Variants in CFAP61 observed in about 807,000 individuals in gnomAD.
CFAP61 encodes the protein cilia- and flagella-associated protein 61.
Under a neutral mutation model 135.6 loss-of-function variants are expected in CFAP61, and 107 were observed. The observed-to-expected ratio is 0.79, with a 90% CI of 0.67 to 0.93. The LOEUF is 0.93. CFAP61 is among the 40% of genes least tolerant of loss of function. The pLI is 0.00. For synonymous variants in CFAP61, 575 were observed against 578.5 expected (o/e 0.99, Z 0.09); for missense variants, 1,507 against 1,556.2 (o/e 0.97, Z 0.53).
chr20:20,329,838 C>T (rs533751524), intron 25 of CFAP61, among the ~76,000 whole-genome samples: 1 of 152,372 alleles, frequency 6.6e-6, no homozygotes, highest in South Asian at 2.1e-4. Context: ...TCAGTAGATC[C>T]TCCCCGTGCC....
intron 22 of CFAP61, among the ~76,000 whole-genome samples, chr20:20,283,345 A>G (rs2054338053): frequency 6.6e-6 from 1 of 152,178 alleles, no homozygotes; most frequent in East Asian, 1.9e-4. Flanking sequence ...TAAGGTCCAG[A>G]TTATCTGATA....
intron 18 of CFAP61, among the ~76,000 whole-genome samples, chr20:20,233,122 T>C (rs1343895493): frequency 6.6e-6 from 1 of 152,200 alleles, no homozygotes; most frequent in East Asian, 1.9e-4. Flanking sequence ...ACTCCTGTTA[T>C]CGGGCCGTGC....
chr20:20,117,800 T>C (rs1400344358), intron 8 of CFAP61, among the ~76,000 whole-genome samples: 1 of 152,186 alleles, frequency 6.6e-6, no homozygotes, highest in Non-Finnish European at 1.5e-5. Context: ...ATATAGGTCT[T>C]TCATTTCTTT....
chr20:20,262,816 TTTC>T, intron 20 of CFAP61, 137 bp from the exon 21 acceptor site: 2 of 424,716 alleles, frequency 4.7e-6, no homozygotes, highest in Middle Eastern at 6.2e-4. Flanking sequence ...TTTTTTTTTT[TTTC>T]AATTAAAATC....
At chr20:20,084,898 T>G (rs1427842277) in intron 6 of CFAP61, among the ~76,000 whole-genome samples, 2 of 152,228 alleles carry the variant, frequency 1.3e-5, no homozygotes, top group African/African-American at 4.8e-5. Flanking sequence ...TTTCAGAGTC[T>G]GATGGAAATC....
In CFAP61 at chr20:20,330,206, A is replaced by G. The variant is rs139485667; in HGVS notation, c.3423-11625A>G. On this transcript the variant is annotated intron_variant, in intron 25 of 26. Coordinates refer to ENST00000245957, the MANE Select transcript of CFAP61 (RefSeq NM_015585.4). ...TTATATTTAACCCAAGATATCCAAA[A>G]CTATTGTCATTTCCACATTTAGTCA... Among the ~76,000 whole-genome samples, 7 of 152,246 alleles carry G rather than the reference A, an allele frequency of 4.6e-5. No homozygotes were observed. The East Asian group carries it at 1.4e-3, about 29-fold the overall frequency.
At chr20:20,137,386 G>C (rs1198595745) in intron 8 of CFAP61, among the ~76,000 whole-genome samples, 1 of 152,176 alleles carries the variant, frequency 6.6e-6, no homozygotes, top group African/African-American at 2.4e-5. Flanking sequence ...CTGGGAGCCA[G>C]AGCCAGGAGT....
At chr20:20,054,112 C>G (rs929489489) in intron 1 of CFAP61, among the ~76,000 whole-genome samples, 1 of 148,072 alleles carries the variant, frequency 6.8e-6, no homozygotes, top group African/African-American at 2.5e-5. Context: ...CTTCTTATTT[C>G]CCAGCATTTA....
chr20:20,059,628 TAAAATAA>T (rs1373291606), intron 2 of CFAP61, among the ~76,000 whole-genome samples: 2 of 151,262 alleles, frequency 1.3e-5, no homozygotes, highest in Admixed American at 1.3e-4. Context: ...AAAAATAAAA[TAAAATAA>T]AAAATAAAAA....
rs1248268065 is a variant in CFAP61, at chr20:20,200,720, CACTT to C, written c.1932+821_1932+824del. ...AAAGTGTAAGTTTAAACTCTCCAAA[CACTT>C]ACCCAAGGAGCTGCCCCTCAGAGCT... On this transcript the variant is annotated intron_variant, in intron 17 of 26. Coordinates refer to ENST00000245957, the MANE Select transcript of CFAP61 (RefSeq NM_015585.4). The C allele has an allele frequency of 9.1e-6, 9 of 985,178 alleles. No individual in the cohort carries two copies. In the East Asian group the frequency reaches 9.1e-4, roughly 99 times the overall value. 61.0% of individuals were successfully genotyped at this position (985,178 alleles called of 1,614,324 possible). A position where few individuals can be genotyped will look rare whatever the true frequency, so the allele number is the denominator to read the frequency against.
intron 21 of CFAP61, 46 bp downstream of exon 21, chr20:20,263,176 T>A (rs777252087): frequency 9.9e-6 from 14 of 1,414,260 alleles, no homozygotes; most frequent in Middle Eastern, 1.8e-4. Flanking sequence ...AGCGTTTTAT[T>A]TTTATAATGA....
At chr20:20,280,094 G>A (rs1283034070) in intron 22 of CFAP61, among the ~76,000 whole-genome samples, 1 of 152,124 alleles carries the variant, frequency 6.6e-6, no homozygotes, top group East Asian at 1.9e-4. Flanking sequence ...ACCTTATTTG[G>A]AAATAAAGCC....
intron 15 of CFAP61, 60 bp downstream of exon 15, chr20:20,191,479 C>A: frequency 1.7e-6 from 2 of 1,209,322 alleles, no homozygotes; most frequent in South Asian, 1.3e-5. Context: ...ATGAATTAGC[C>A]CACAGTGCCC....
intron 8 of CFAP61, among the ~76,000 whole-genome samples, chr20:20,115,629 T>TA (rs1190814988): frequency 2.6e-5 from 4 of 152,304 alleles, no homozygotes; most frequent in African/African-American, 9.6e-5. Context: ...ACCACCAATC[T>TA]ACTCTCCACC....
At chr20:20,186,133 C>G (rs1361086900) in intron 13 of CFAP61, among the ~76,000 whole-genome samples, 1 of 152,180 alleles carries the variant, frequency 6.6e-6, no homozygotes, top group Non-Finnish European at 1.5e-5. Flanking sequence ...AAAACATTTG[C>G]ATCACCCAGA....
chr20:20,143,110 CAG>C (rs1441689659), intron 9 of CFAP61, among the ~76,000 whole-genome samples, 162 bp downstream of exon 9: 1 of 152,190 alleles, frequency 6.6e-6, no homozygotes, highest in African/African-American at 2.4e-5. Flanking sequence ...CTGGGGGAAA[CAG>C]AGGCCTCTGT....
chr20:20,054,539 G>A (rs2044134525), intron 1 of CFAP61, among the ~76,000 whole-genome samples: 1 of 152,116 alleles, frequency 6.6e-6, no homozygotes, highest in Non-Finnish European at 1.5e-5. Flanking sequence ...TCAACTTTCA[G>A]TGTATGTAAG....
chr20:20,088,699 G>C (rs2046974163), intron 6 of CFAP61, among the ~76,000 whole-genome samples: 1 of 152,118 alleles, frequency 6.6e-6, no homozygotes, highest in Non-Finnish European at 1.5e-5. Context: ...GAGTCATGGT[G>C]ATGGTCCCTC....
chr20:20,237,663 C>T (rs755111641), intron 18 of CFAP61, among the ~76,000 whole-genome samples: 9 of 152,184 alleles, frequency 5.9e-5, no homozygotes, highest in African/African-American at 1.4e-4. Context: ...TTAACACACT[C>T]GAACAAATAC....
Sources: allele counts gnomAD v4.1 joint callset (sites outside exome capture counted in the v4.1 genomes callset), GRCh38; gene constraint gnomAD v4.1.1; transcripts MANE v1.5; gene names NCBI Gene and HGNC (gene_info 2026-07-23, HGNC 2026-07-21).